Variants in HBEGF observed in about 807,000 individuals in gnomAD.
The protein encoded by HBEGF is heparin binding EGF like growth factor, also known as proheparin-binding EGF-like growth factor.
HBEGF carries 8 observed loss-of-function variants against 19.5 expected under a neutral mutation model. That is an observed-to-expected ratio of 0.41 (90% CI 0.24 to 0.74). HBEGF has a LOEUF of 0.74. Ranked by LOEUF, HBEGF falls within the 30% of genes least tolerant of loss-of-function variation. The probability of loss-of-function intolerance (pLI) is 0.32; values close to 1 mark genes in which losing one functional copy is unlikely to be tolerated. For missense variants in HBEGF, 207 were observed against 256.9 expected, an observed-to-expected ratio of 0.81 and a Z score of 1.33; for synonymous variants, 97 against 108.9, an observed-to-expected ratio of 0.89 and a Z score of 0.68.
At chr5:140,336,113 T>A (rs1372182127) in intron 3 of HBEGF, 86 bp from the exon 4 acceptor site, 1 of 1,361,124 alleles carries the variant, frequency 7.3e-7, no homozygotes, top group Non-Finnish European at 1.0e-6. Flanking sequence ...CAAACCCCAT[T>A]CCTCATACCC....
chr5:140,337,530 T>G (rs932942458), intron 3 of HBEGF, among the ~76,000 whole-genome samples: 1 of 152,150 alleles, frequency 6.6e-6, no homozygotes, highest in South Asian at 2.1e-4. Flanking sequence ...CTCTGGTACC[T>G]CAGAACAAGG....
At chr5:140,334,555 C>G (rs1766198744) in intron 5 of HBEGF, 103 bp downstream of exon 5, 1 of 797,066 alleles carries the variant, frequency 1.3e-6, no homozygotes, top group African/African-American at 1.7e-5. Context: ...GTCACAGTAG[C>G]CTGGCCCCCA....
rs774635629 is a variant in HBEGF at position 140,346,339 on chromosome 5, C to A, written c.-11G>T. ...CGGCAGCAGCTTCATGGTCCCGCAC[C>A]GAGAGGAGGCGGCGAGGCACCAGTC... On this transcript the variant is annotated 5_prime_UTR_variant, in exon 1 of 6. Transcript: ENST00000230990. This position sits in a 1 kb window ranked among gnomAD's most constrained non-coding sequence, Gnocchi z 6.1. 1.8e-5 allele frequency: 29 copies of A among 1,606,538 alleles called. No homozygotes were observed. The highest frequency in any genetic ancestry group is 2.3e-5 in the Non-Finnish European group (27 of 1,177,066).
chr5:140,335,557 C>T (rs1001543163), intron 4 of HBEGF, among the ~76,000 whole-genome samples: 7 of 152,028 alleles, frequency 4.6e-5, no homozygotes, highest in African/African-American at 1.2e-4. Flanking sequence ...CATACTAATG[C>T]CATCAAAGAA....
chr5:140,340,059 G>A (rs984487738), intron 3 of HBEGF, among the ~76,000 whole-genome samples: 35 of 152,276 alleles, frequency 2.3e-4, no homozygotes, highest in African/African-American at 7.2e-4. Flanking sequence ...GTCCAAGGCA[G>A]GCTGATTACT....
At chr5:140,337,659 G>GCCTCTCCCTGCCCTAGTT (rs1766248558) in intron 3 of HBEGF, among the ~76,000 whole-genome samples, 2 of 152,144 alleles carry the variant, frequency 1.3e-5, no homozygotes, top group Non-Finnish European at 2.9e-5. Context: ...CCTGCCCTGA[G>GCCTCTCCCTGCCCTAGTT]CCTCTCCCTG....
At chr5:140,334,910 G>A (rs1766204343) in intron 4 of HBEGF, 162 bp from the exon 5 acceptor site, 4 of 649,380 alleles carry the variant, frequency 6.2e-6, no homozygotes, top group South Asian at 3.6e-5. Flanking sequence ...CAACTGCCCC[G>A]AGGAACTCCT....
At chr5:140,340,925 C>T (rs565209163) in intron 3 of HBEGF, among the ~76,000 whole-genome samples, 1 of 152,174 alleles carries the variant, frequency 6.6e-6, no homozygotes, top group East Asian at 1.9e-4. Context: ...TATTTTCTGG[C>T]TCCAGTTTCA....
In HBEGF at chr5:140,345,891, TG is replaced by T. The variant is rs758679200; in HGVS notation, c.220+19del. ...TCAACAGCCCACCAAGGTCCAAGGA[TG>T]GGGGGCCTCCACACCCACCTCTCAA... is the stretch of plus-strand genomic sequence containing the variant. On this transcript the variant is annotated intron_variant, in intron 2 of 5. Transcript: ENST00000230990. The T allele has an allele frequency of 1.2e-6, 2 of 1,613,692 alleles. No individual in the cohort carries two copies. Among genetic ancestry groups the T allele is most frequent in the South Asian group, 1.1e-5 (1 of 91,072 alleles).
intron 3 of HBEGF, among the ~76,000 whole-genome samples, chr5:140,340,582 C>CAAAAAAAAAAAAAAAAA (rs61489261): frequency 3.0e-4 from 18 of 59,830 alleles, no homozygotes; most frequent in Non-Finnish European, 4.9e-4. Flanking sequence ...GACTCTGTCT[C>CAAAAAAAAAAAAAAAAA]AAAAAAAAAA....
At chr5:140,334,530 C>A in intron 5 of HBEGF, 128 bp downstream of exon 5, 1 of 720,346 alleles carries the variant, frequency 1.4e-6, no homozygotes, top group African/African-American at 1.8e-5. Context: ...AATAATTCTG[C>A]AATGGGATAT....
At chr5:140,334,920 T>C (rs1301925341) in intron 4 of HBEGF, 172 bp from the exon 5 acceptor site, 2 of 633,178 alleles carry the variant, frequency 3.2e-6, no homozygotes, top group Admixed American at 5.3e-5. Context: ...GAGGAACTCC[T>C]GTCTCTAATA....
intron 3 of HBEGF, among the ~76,000 whole-genome samples, chr5:140,340,809 T>A (rs1016338780): frequency 1.2e-4 from 19 of 152,094 alleles, no homozygotes; most frequent in African/African-American, 4.3e-4. Context: ...CAACACCCAG[T>A]ACAGCTTGAG....
intron 3 of HBEGF, among the ~76,000 whole-genome samples, chr5:140,341,134 T>C (rs1049678551): frequency 1.3e-5 from 2 of 152,202 alleles, no homozygotes; most frequent in Admixed American, 6.5e-5. Flanking sequence ...TAGTTATCAC[T>C]ATCCCTAGGG....
chr5:140,334,535 G>A, intron 5 of HBEGF, 123 bp downstream of exon 5: 1 of 734,334 alleles, frequency 1.4e-6, no homozygotes, highest in East Asian at 2.5e-5. Context: ...TTCTGCAATG[G>A]GATATTAATG....
chr5:140,346,384 C>T lies in HBEGF; in HGVS notation c.-56G>A. ...CCAGTCACTTTCGAAGCGGCGGCCA[C>T]TGGGCGCTGGCACCAGAGCTGGGCG... On this transcript the variant is annotated 5_prime_UTR_variant, in exon 1 of 6. It adds an upstream start codon to the 5' untranslated region. Transcript: ENST00000230990. The surrounding 1 kb of genome is among the most constrained non-coding windows in gnomAD (Gnocchi z 6.1). 2 of 1,564,934 alleles carry T rather than the reference C, an allele frequency of 1.3e-6. No homozygotes were observed. The highest frequency in any genetic ancestry group is 1.7e-6 in the Non-Finnish European group (2 of 1,153,036).
intron 3 of HBEGF, among the ~76,000 whole-genome samples, chr5:140,338,324 G>A (rs1272536266): frequency 6.6e-6 from 1 of 152,208 alleles, no homozygotes; most frequent in Non-Finnish European, 1.5e-5. Flanking sequence ...TGAAGGAGAA[G>A]TTACTAGCCC....
intron 3 of HBEGF, among the ~76,000 whole-genome samples, chr5:140,336,957 T>C (rs961264758): frequency 2.0e-5 from 3 of 151,502 alleles, no homozygotes; most frequent in African/African-American, 7.3e-5. Flanking sequence ...GCCTCCCAAG[T>C]AGCTGGGATT....
chr5:140,339,640 T>G (rs1766278925), intron 3 of HBEGF, among the ~76,000 whole-genome samples: 1 of 152,106 alleles, frequency 6.6e-6, no homozygotes, highest in Non-Finnish European at 1.5e-5. Context: ...GCGACCCACG[T>G]GCCTCGGCCT....
Sources: gnomAD v4.1 joint callset for allele counts (sites outside exome capture counted in the v4.1 genomes callset) on GRCh38, gnomAD v4.1.1 for gene constraint, Gnocchi (gnomAD v3.1) non-coding constraint, MANE v1.5 for transcripts, NCBI Gene and HGNC (gene_info 2026-07-23, HGNC 2026-07-21) for gene names.